Variants in FRMD3 observed in about 807,000 individuals in gnomAD.
FRMD3 encodes FERM domain containing 3.
Under a neutral mutation model 70.2 loss-of-function variants are expected in FRMD3, and 33 were observed. The observed-to-expected ratio is 0.47, with a 90% confidence interval of 0.36 to 0.63. FRMD3 has a LOEUF of 0.63. Ranked by LOEUF, FRMD3 falls within the 20% of genes least tolerant of loss-of-function variation. The probability of loss-of-function intolerance (pLI) is 0.00; values close to 1 mark genes in which losing one functional copy is unlikely to be tolerated. For synonymous variants in FRMD3, 279 were observed against 255.9 expected (o/e 1.09, Z -0.86); for missense variants, 632 against 711.4 (o/e 0.89, Z 1.27).
At chr9:83,381,994 C>T (rs1014793918) in intron 2 of FRMD3, among the ~76,000 whole-genome samples, 1 of 151,822 alleles carries the variant, frequency 6.6e-6, no homozygotes, top group Non-Finnish European at 1.5e-5. Context: ...GTCCCTACTC[C>T]CAAGAAATCT....
At chr9:83,362,826 C>CG (rs1262913301) in intron 3 of FRMD3, among the ~76,000 whole-genome samples, 1,356 of 126,636 alleles carry the variant, frequency 0.011, 177 homozygotes, top group African/African-American at 0.033. Flanking sequence ...CTCCCTCCTT[C>CG]CTTCCCTCCC....
At chr9:83,505,090 T>G (rs1235303047) in intron 1 of FRMD3, among the ~76,000 whole-genome samples, 1 of 152,200 alleles carries the variant, frequency 6.6e-6, no homozygotes, top group African/African-American at 2.4e-5. Flanking sequence ...ATGCCTGTCA[T>G]GAGATTTTCT....
At chr9:83,366,188 A>G (rs1824779377) in intron 3 of FRMD3, among the ~76,000 whole-genome samples, 1 of 152,160 alleles carries the variant, frequency 6.6e-6, no homozygotes, top group African/African-American at 2.4e-5. Flanking sequence ...TGGAAGAAAA[A>G]AAAACAGTAT....
intron 1 of FRMD3, among the ~76,000 whole-genome samples, chr9:83,479,638 A>G (rs868235019): frequency 2.4e-5 from 1 of 41,326 alleles, no homozygotes; most frequent in African/African-American, 1.3e-4. Context: ...GAAGGAAGGA[A>G]GGAAGGAAGG....
chr9:83,467,553 T>C (rs1320510991), intron 1 of FRMD3: 19 of 960,840 alleles, frequency 2.0e-5, no homozygotes, highest in South Asian at 1.9e-4. Context: ...TAGTAACTCA[T>C]GACATGCATT....
intron 1 of FRMD3, among the ~76,000 whole-genome samples, chr9:83,428,108 G>A (rs190809845): frequency 5.9e-5 from 9 of 152,256 alleles, no homozygotes; most frequent in Admixed American, 4.6e-4. Context: ...CGGGTGAGGT[G>A]GCTCACACCT....
the FRMD3 span, among the ~76,000 whole-genome samples, chr9:83,576,185 A>T: frequency 6.6e-6 from 1 of 152,206 alleles, no homozygotes; most frequent in African/African-American, 2.4e-5. Context: ...ATACACAAGG[A>T]TTAATCACCA....
At chr9:83,310,455 ACAGG>A (rs1835309518) in intron 9 of FRMD3, 26 bp downstream of exon 9, 2 of 1,562,338 alleles carry the variant, frequency 1.3e-6, no homozygotes, top group East Asian at 4.5e-5. Flanking sequence ...ACACACAATA[ACAGG>A]CAGTTAAAAA....
At chr9:83,397,234 T>C (rs1825833052) in intron 1 of FRMD3, among the ~76,000 whole-genome samples, 2 of 152,176 alleles carry the variant, frequency 1.3e-5, no homozygotes, top group Admixed American at 1.3e-4. Flanking sequence ...AACTCTGCAG[T>C]CCACCACATT....
chr9:83,452,764 G>A (rs140185829), intron 1 of FRMD3, among the ~76,000 whole-genome samples: 24 of 151,616 alleles, frequency 1.6e-4, no homozygotes, highest in African/African-American at 5.6e-4. Flanking sequence ...TTACAGGCGT[G>A]AGCCACCACG....
At chr9:83,304,886 G>A (rs996951895) in intron 10 of FRMD3, among the ~76,000 whole-genome samples, 2 of 152,204 alleles carry the variant, frequency 1.3e-5, no homozygotes, top group Non-Finnish European at 2.9e-5. Flanking sequence ...CCTGGGGTCT[G>A]GAGTAGGCGG....
At chr9:83,339,530 T>C (rs1196419244) in intron 5 of FRMD3, among the ~76,000 whole-genome samples, 1 of 152,118 alleles carries the variant, frequency 6.6e-6, no homozygotes, top group Non-Finnish European at 1.5e-5. Context: ...AAACAGTAAG[T>C]CTAAAAAGCA....
intron 1 of FRMD3, among the ~76,000 whole-genome samples, chr9:83,479,050 T>TA (rs1462391151): frequency 6.6e-6 from 1 of 151,916 alleles, no homozygotes. Flanking sequence ...AAAAATTATA[T>TA]AAAAAACTAT....
intron 1 of FRMD3, among the ~76,000 whole-genome samples, chr9:83,432,399 G>T (rs1248390058): frequency 6.6e-6 from 1 of 152,178 alleles, no homozygotes; most frequent in Non-Finnish European, 1.5e-5. Context: ...AGCCACCAAG[G>T]CTGCTGGGTG....
At chr9:83,429,178 T>G (rs1489047752) in intron 1 of FRMD3, among the ~76,000 whole-genome samples, 1 of 152,216 alleles carries the variant, frequency 6.6e-6, no homozygotes, top group African/African-American at 2.4e-5. Context: ...TTCGTAGTCA[T>G]GCCATAGCAA....
chr9:83,514,531 C>T (rs893744411), intron 1 of FRMD3, among the ~76,000 whole-genome samples: 2 of 152,132 alleles, frequency 1.3e-5, no homozygotes, highest in Non-Finnish European at 2.9e-5. Flanking sequence ...TGGTTGTGGG[C>T]GCAGCTTCAG....
chr9:83,584,511 C>A, the FRMD3 span, among the ~76,000 whole-genome samples: 1 of 152,052 alleles, frequency 6.6e-6, no homozygotes, highest in African/African-American at 2.4e-5. Context: ...GGAAGTCCAG[C>A]GAAGGGGGTG....
chr9:83,255,400 T>C (rs941492130), intron 13 of FRMD3, among the ~76,000 whole-genome samples: 8 of 152,194 alleles, frequency 5.3e-5, no homozygotes, highest in African/African-American at 1.9e-4. Flanking sequence ...AAGAGCCATA[T>C]GTGATAAACC....
intron 12 of FRMD3, chr9:83,297,772 C>T (rs1246010625): frequency 2.1e-6 from 1 of 471,830 alleles, no homozygotes; most frequent in East Asian, 6.9e-5. Flanking sequence ...TACAGCTCCT[C>T]ACCAAGTCAC....
Sources: gnomAD v4.1 joint callset for allele counts (sites outside exome capture counted in the v4.1 genomes callset) on GRCh38, gnomAD v4.1.1 for gene constraint, MANE v1.5 for transcripts, NCBI Gene and HGNC (gene_info 2026-07-23, HGNC 2026-07-21) for gene names.